The following CRMP1 variants were observed in gnomAD, a reference collection of about 807,000 sequenced individuals.
CRMP1 encodes the protein dihydropyrimidinase-related protein 1.
In CRMP1, 19 loss-of-function variants were observed where a neutral mutation model predicts 68.3. The observed-to-expected ratio is 0.28, with a 90% CI of 0.19 to 0.41. The LOEUF is 0.41. Ranked by LOEUF, CRMP1 falls within the 10% of genes least tolerant of loss-of-function variation. The pLI, the probability that CRMP1 is intolerant of heterozygous loss-of-function variation, is 1.00. For missense variants in CRMP1, 791 were observed against 967.4 expected, an observed-to-expected ratio of 0.82 and a Z score of 2.42; for synonymous variants, 439 against 399.6, an observed-to-expected ratio of 1.10 and a Z score of -1.18.
chr4:5,863,915 G>C (rs1713784583), intron 2 of CRMP1, among the ~76,000 whole-genome samples: 2 of 152,180 alleles, frequency 1.3e-5, no homozygotes. Context: ...GGCCCTGTGA[G>C]GCCTCAGTCA....
chr4:5,891,175 T>TACACACACACAC lies in CRMP1; in HGVS notation c.381+1402_381+1413dup, dbSNP rs58583102. Among the ~76,000 whole-genome samples, 5,271 of 131,960 alleles carry TACACACACACAC rather than the reference T, an allele frequency of 0.04. 182 individuals are homozygous for TACACACACACAC. The highest frequency in any genetic ancestry group is 0.09 in the South Asian group (326 of 3,642). 86.6% of individuals were successfully genotyped at this position (131,960 alleles called of 152,430 possible). On this transcript the variant is annotated intron_variant, in intron 1 of 13. Transcript: ENST00000324989. The surrounding 1 kb of genome is among the most constrained non-coding windows in gnomAD (Gnocchi z 5.2). Reference sequence around the variant, plus strand: ...TGATCACCCCACCACCACACACACATACACACACACACACACACACACACA... The same window carrying TACACACACACAC: ...TGATCACCCCACCACCACACACACATACACACACACACACACACACACACACACACACACACA...
rs1712542632 is a variant in CRMP1 at position 5,850,444 on chromosome 4, G to C, written c.882+964C>G. Among the ~76,000 whole-genome samples the C allele has an allele frequency of 6.6e-6, 1 of 152,128 alleles. No individual in the cohort carries two copies. Among genetic ancestry groups the C allele is most frequent in the East Asian group, 1.9e-4 (1 of 5,178 alleles). ...TGTTGACTGTATCAAAGGCCTCCAG[G>C]ACATCTTGGGATAAGTTATTTTCTG... On this transcript the variant is annotated intron_variant, in intron 5 of 13. Transcript: ENST00000324989. The surrounding 1 kb of genome is among the most constrained non-coding windows in gnomAD (Gnocchi z 4.4).
At chr4:5,868,261 CTATA>C (rs60816757) in intron 1 of CRMP1, among the ~76,000 whole-genome samples, 2,008 of 111,262 alleles carry the variant, frequency 0.018, 29 homozygotes, top group Admixed American at 0.022. Context: ...GACTATATAT[CTATA>C]TATATATATA....
In CRMP1 at chr4:5,853,019, C is replaced by T. The variant is rs574822121; in HGVS notation, c.821-1550G>A. Reference sequence around the variant, plus strand: ...CTGGGCCCCAGGAACTGGAACAAGCCAGTCTGGAGGAGCAGGCGCATCCTG... The same window carrying T: ...CTGGGCCCCAGGAACTGGAACAAGCTAGTCTGGAGGAGCAGGCGCATCCTG... On this transcript the variant is annotated intron_variant, in intron 4 of 13. Coordinates refer to ENST00000324989, the MANE Select transcript of CRMP1 (RefSeq NM_001014809.3). This position sits in a 1 kb window ranked among gnomAD's most constrained non-coding sequence, Gnocchi z 4.7. 4.0e-4 allele frequency among the ~76,000 whole-genome samples: 61 copies of T among 152,298 alleles called. No homozygotes were observed. Among genetic ancestry groups the T allele is most frequent in the African/African-American group, 1.5e-3 (61 of 41,572 alleles).
chr4:5,830,419 C>CAAT (rs1322888108), intron 11 of CRMP1, among the ~76,000 whole-genome samples: 2 of 152,114 alleles, frequency 1.3e-5, no homozygotes, highest in East Asian at 3.9e-4. Context: ...TAGCAAGATC[C>CAAT]TTTCCCCTTC....
rs1715899730 is a variant in CRMP1 at position 5,890,620 on chromosome 4, A to G, written c.381+1969T>C. Among the ~76,000 whole-genome samples the G allele has an allele frequency of 6.6e-6, 1 of 152,216 alleles. No homozygotes were observed. Among genetic ancestry groups the G allele is most frequent in the African/African-American group, 2.4e-5 (1 of 41,460 alleles). On this transcript the variant is annotated intron_variant, in intron 1 of 13. Coordinates refer to ENST00000324989, the MANE Select transcript of CRMP1 (RefSeq NM_001014809.3). The surrounding 1 kb of genome is among the most constrained non-coding windows in gnomAD (Gnocchi z 5.5). Reference sequence around the variant, plus strand: ...GCTTTCGGAGCCCCGGGAGCGCCAGAGGCGCTGCCTTTTGTCCGGTGCCTG... The same window carrying G: ...GCTTTCGGAGCCCCGGGAGCGCCAGGGGCGCTGCCTTTTGTCCGGTGCCTG...
At chr4:5,868,269 A>ATC (rs1319459571) in intron 1 of CRMP1, among the ~76,000 whole-genome samples, 396 of 17,154 alleles carry the variant, frequency 0.023, 8 homozygotes, top group Admixed American at 0.13. Flanking sequence ...ATCTATATAT[A>ATC]TATATATATA....
chr4:5,854,437 G>A lies in CRMP1; in HGVS notation c.820+1706C>T, dbSNP rs1360293570. 7.4e-6 allele frequency among the ~76,000 whole-genome samples: 1 copy of A among 135,226 alleles called. No homozygotes were observed. The highest frequency in any genetic ancestry group is 2.8e-5 in the African/African-American group (1 of 35,126). The allele number at this position is 135,226 out of a possible 152,430, so 88.7% of individuals were successfully genotyped here. On this transcript the variant is annotated intron_variant, in intron 4 of 13. Transcript: ENST00000324989. This position sits in a 1 kb window ranked among gnomAD's most constrained non-coding sequence, Gnocchi z 4.0. ...TTTTTTTTTTTTTAATAGAGTCGTG[G>A]TCTCACTATGTTGCCCAGGCTGGTC...
intron 11 of CRMP1, among the ~76,000 whole-genome samples, chr4:5,833,951 C>A (rs981877318): frequency 2.0e-5 from 3 of 152,174 alleles, no homozygotes; most frequent in African/African-American, 7.2e-5. Context: ...GAGGCTGAGG[C>A]AGGAGAATGG....
chr4:5,884,422 C>G (rs1381418507), intron 1 of CRMP1, among the ~76,000 whole-genome samples: 1 of 151,760 alleles, frequency 6.6e-6, no homozygotes, highest in Admixed American at 6.6e-5. Context: ...CACATTTACA[C>G]ACCACAGACA....
intron 3 of CRMP1, among the ~76,000 whole-genome samples, chr4:5,856,923 A>G (rs1713126627): frequency 6.6e-6 from 1 of 151,386 alleles, no homozygotes; most frequent in African/African-American, 2.4e-5. Context: ...CACCACCACC[A>G]CCACCATCAC....
chr4:5,829,715 C>A (rs560391835), intron 11 of CRMP1, among the ~76,000 whole-genome samples: 195 of 152,314 alleles, frequency 1.3e-3, no homozygotes, highest in Non-Finnish European at 2.0e-3. Context: ...TGTTCCATAT[C>A]AGCACACATA....
rs200792779 is a variant in CRMP1, at chr4:5,843,464, CTG to C, written c.964-305_964-304del. Among the ~76,000 whole-genome samples, 1 of 152,134 alleles carries C rather than the reference CTG, an allele frequency of 6.6e-6. No homozygotes were observed. On this transcript the variant is annotated intron_variant, in intron 6 of 13. Coordinates refer to ENST00000324989, the MANE Select transcript of CRMP1 (RefSeq NM_001014809.3). The surrounding 1 kb of genome is among the most constrained non-coding windows in gnomAD (Gnocchi z 4.1). ...AGCTTCCAAGGCCACCCACCACTCT[CTG>C]AATCTCGGAGTCTCCCTGCAGGCCT...
rs1714914199 is a variant in CRMP1, at chr4:5,877,361, G to C, written c.382-10605C>G. On this transcript the variant is annotated intron_variant, in intron 1 of 13. Transcript: ENST00000324989. The surrounding 1 kb of genome is among the most constrained non-coding windows in gnomAD (Gnocchi z 4.3). ...GAGCCACAGGGGTTGCTGCATAAGA[G>C]GTTTTATAGCTCAAATACGTCAAAC... 6.6e-6 allele frequency among the ~76,000 whole-genome samples: 1 copy of C among 152,178 alleles called. No homozygotes were observed. Among genetic ancestry groups the C allele is most frequent in the Non-Finnish European group, 1.5e-5 (1 of 68,040 alleles).
Position 5,821,480 on chromosome 4 carries a change from A to AAGAC in CRMP1, c.*276_*279dup, listed in dbSNP as rs1718546436. ...GAGTTAGAAGTGGAAGGGACAGAAC[A>AAGAC]AGACAATGCTAAAACCTGTGGTTCA... On this transcript the variant is annotated 3_prime_UTR_variant, in exon 14 of 14. Transcript: ENST00000324989. This position sits in a 1 kb window ranked among gnomAD's most constrained non-coding sequence, Gnocchi z 4.4. 1 of 493,642 alleles carries AAGAC rather than the reference A, an allele frequency of 2.0e-6. No individual in the cohort carries two copies. The highest frequency in any genetic ancestry group is 3.7e-6 in the Non-Finnish European group (1 of 272,614). The allele number at this position is 493,642 out of a possible 1,614,324, so 30.6% of individuals were successfully genotyped here. A position where few individuals can be genotyped will look rare whatever the true frequency, so the allele number is the denominator to read the frequency against.
In CRMP1 at chr4:5,843,853, T is replaced by C. The variant is rs1711980848; in HGVS notation, c.964-692A>G. Among the ~76,000 whole-genome samples the C allele has an allele frequency of 6.6e-6, 1 of 152,154 alleles. No homozygotes were observed. The highest frequency in any genetic ancestry group is 1.5e-5 in the Non-Finnish European group (1 of 68,016). On this transcript the variant is annotated intron_variant, in intron 6 of 13. Transcript: ENST00000324989. This position sits in a 1 kb window ranked among gnomAD's most constrained non-coding sequence, Gnocchi z 4.1. ...ATCTGTCTTTATGGCGGGAAACCAC[T>C]ACCTGAAACTTATCATATAACCTTG...
chr4:5,841,246 C>T lies in CRMP1; in HGVS notation c.1153+62G>A. The T allele has an allele frequency of 1.2e-6, 2 of 1,612,964 alleles. No homozygotes were observed. Among genetic ancestry groups the T allele is most frequent in the South Asian group, 2.2e-5 (2 of 90,988 alleles). On this transcript the variant is annotated intron_variant, in intron 8 of 13. Transcript: ENST00000324989. This position sits in a 1 kb window ranked among gnomAD's most constrained non-coding sequence, Gnocchi z 6.9. Reference sequence around the variant, plus strand: ...GAGTTCGGGAGGGAGTGAACTTGAACCTGCAGGACACCCCCTTCCAGGCCC... The same window carrying T: ...GAGTTCGGGAGGGAGTGAACTTGAATCTGCAGGACACCCCCTTCCAGGCCC...
intron 4 of CRMP1, 129 bp downstream of exon 4, chr4:5,856,014 G>A (rs565298571): frequency 2.1e-5 from 22 of 1,047,044 alleles, no homozygotes; most frequent in Admixed American, 1.3e-4. Context: ...TCACTGTCAC[G>A]TGGCAGAGTG....
At chr4:5,862,247 G>A (rs566617102) in intron 2 of CRMP1, among the ~76,000 whole-genome samples, 4 of 151,856 alleles carry the variant, frequency 2.6e-5, no homozygotes, top group African/African-American at 4.8e-5. Flanking sequence ...CTCCACTGCC[G>A]CTGCTTATAC....
Sources: allele counts gnomAD v4.1 joint callset (sites outside exome capture counted in the v4.1 genomes callset), GRCh38; gene constraint gnomAD v4.1.1; non-coding constraint Gnocchi (gnomAD v3.1); transcripts MANE v1.5; gene names NCBI Gene and HGNC (gene_info 2026-07-23, HGNC 2026-07-21).